DIP2C: variants seen among roughly 807,000 people sequenced by gnomAD.
DIP2C encodes the protein DIP2 acetate--CoA ligase C (putative), also known as disco-interacting protein 2 homolog C.
A neutral mutation model predicts 192.4 loss-of-function variants in DIP2C; 33 were observed. That is an observed-to-expected ratio of 0.17 (90% CI 0.13 to 0.23). The LOEUF (loss-of-function observed/expected upper bound fraction) is 0.23. DIP2C is among the 10% of genes least tolerant of loss of function. The pLI is 1.00. For missense variants in DIP2C, 1,537 were observed against 2,110.1 expected (o/e 0.73, Z 5.32); for synonymous variants, 979 against 864.1 (o/e 1.13, Z -2.33).
intron 1 of DIP2C, among the ~76,000 whole-genome samples, chr10:521,613 G>A (rs1846711047): frequency 6.6e-6 from 1 of 152,198 alleles, no homozygotes; most frequent in African/African-American, 2.4e-5. Flanking sequence ...CAAGCTCACT[G>A]ATACTGTAAT....
intron 17 of DIP2C, among the ~76,000 whole-genome samples, chr10:372,408 C>T (rs1961076288): frequency 6.6e-6 from 1 of 152,158 alleles, no homozygotes; most frequent in Admixed American, 6.5e-5. Flanking sequence ...ACACAGTTAA[C>T]GAGAAATAAG....
chr10:558,395 G>A (rs918716899), intron 1 of DIP2C, among the ~76,000 whole-genome samples: 1 of 152,142 alleles, frequency 6.6e-6, no homozygotes. Flanking sequence ...ATTGAGATTC[G>A]ACCCCCAGAC....
intron 3 of DIP2C, among the ~76,000 whole-genome samples, chr10:461,746 A>G (rs959761616): frequency 6.6e-6 from 1 of 152,128 alleles, no homozygotes; most frequent in African/African-American, 2.4e-5. Flanking sequence ...CTCAGCACCA[A>G]ATTGCACCTA....
chr10:314,131 T>A (rs557209068), intron 31 of DIP2C, among the ~76,000 whole-genome samples: 6 of 152,178 alleles, frequency 3.9e-5, no homozygotes, highest in Non-Finnish European at 8.8e-5. Context: ...TTTGACTACT[T>A]CTTTGTACTC....
chr10:617,772 A>G (rs1214253771), intron 1 of DIP2C, among the ~76,000 whole-genome samples: 1 of 150,724 alleles, frequency 6.6e-6, no homozygotes, highest in South Asian at 2.1e-4. Context: ...CCTGCCACAC[A>G]GGGCAACCAG....
chr10:677,883 C>T (rs933517773), intron 1 of DIP2C, among the ~76,000 whole-genome samples: 3 of 152,216 alleles, frequency 2.0e-5, no homozygotes, highest in African/African-American at 4.8e-5. Context: ...AGCCAGGCTC[C>T]GAATTCCAGG....
intron 1 of DIP2C, chr10:650,407 C>G (rs565810003): frequency 1.5e-5 from 11 of 715,272 alleles, no homozygotes; most frequent in Non-Finnish European, 2.9e-5. Context: ...CAGACCAACA[C>G]GAGAAGAACG....
chr10:281,241 A>G lies in DIP2C; in HGVS notation c.4377T>C (p.Ile1459=). The G allele has an allele frequency of 6.2e-6, 10 of 1,614,118 alleles. No individual in the cohort carries two copies. Among genetic ancestry groups the G allele is most frequent in the Non-Finnish European group, 8.5e-6 (10 of 1,180,016 alleles). The change falls in exon 36 of 37, where the codon ATT becomes ATC. Residue 1459 remains isoleucine, a synonymous_variant. Transcript: ENST00000280886. ...TATGGGCTCTGATGACCGAGGTCTC[A>G]ATGTCGATTGGGTGGTACCGCATGC... ...LRGMRYHPID[I]ETSVIRAHKS... is the part of the protein sequence containing the mutation.
chr10:547,469 C>T (rs1001958656), intron 1 of DIP2C, among the ~76,000 whole-genome samples: 2 of 152,086 alleles, frequency 1.3e-5, no homozygotes, highest in South Asian at 2.1e-4. Context: ...AGCGAAGTAC[C>T]CAGCAAATAC....
At chr10:314,273 G>T (rs545027650) in intron 31 of DIP2C, among the ~76,000 whole-genome samples, 2 of 152,300 alleles carry the variant, frequency 1.3e-5, no homozygotes, top group Admixed American at 1.3e-4. Flanking sequence ...ACAGGTCCCT[G>T]CCTTAAGCCC....
chr10:510,765 C>T (rs1347339695), intron 1 of DIP2C, among the ~76,000 whole-genome samples: 2 of 152,150 alleles, frequency 1.3e-5, no homozygotes, highest in Non-Finnish European at 2.9e-5. Flanking sequence ...CTCCGTGTGC[C>T]GGGGTTTCCA....
intron 4 of DIP2C, among the ~76,000 whole-genome samples, chr10:431,453 AAATT>A (rs1966854846): frequency 6.6e-6 from 1 of 151,840 alleles, no homozygotes; most frequent in Non-Finnish European, 1.5e-5. Flanking sequence ...ATTTTTTTTT[AAATT>A]ATTATTTTTA....
chr10:589,744 C>T (rs911243154), intron 1 of DIP2C, among the ~76,000 whole-genome samples: 31 of 152,206 alleles, frequency 2.0e-4, no homozygotes, highest in Non-Finnish European at 4.3e-4. Flanking sequence ...TAATGAGATT[C>T]TTCCTCTTGT....
rs75106242 is a variant in DIP2C, at chr10:392,783, G to A, written c.1261-1920C>T. ...ACACACACTTAACACTCTCACACGC[G>A]CCCATGCACACACGCGGATGCGCAC... On this transcript the variant is annotated intron_variant, in intron 10 of 36. Coordinates refer to ENST00000280886, the MANE Select transcript of DIP2C (RefSeq NM_014974.3). 6.0e-3 allele frequency among the ~76,000 whole-genome samples: 916 copies of A among 151,488 alleles called. 3 individuals carry two copies. The highest frequency in any genetic ancestry group is 0.014 in the East Asian group (72 of 5,160).
chr10:594,522 A>G (rs1005971255), intron 1 of DIP2C, among the ~76,000 whole-genome samples: 1 of 152,164 alleles, frequency 6.6e-6, no homozygotes, highest in Non-Finnish European at 1.5e-5. Flanking sequence ...GTAAGGGAAC[A>G]TGGCCGAGTA....
chr10:467,800 T>C (rs774691073), intron 3 of DIP2C, among the ~76,000 whole-genome samples: 1 of 152,140 alleles, frequency 6.6e-6, no homozygotes, highest in African/African-American at 2.4e-5. Flanking sequence ...CTAGGGCCTG[T>C]TGGGTGCTGG....
At chr10:502,449 G>GA (rs1247761195) in intron 1 of DIP2C, among the ~76,000 whole-genome samples, 1 of 151,908 alleles carries the variant, frequency 6.6e-6, no homozygotes, top group African/African-American at 2.4e-5. Flanking sequence ...GCTCATATTC[G>GA]AAAAAAGTAA....
rs559919265 is a variant in DIP2C at position 400,250 on chromosome 10, T to G, written c.1150-1031A>C. ...GTTGCCCAGGCTGGCCTCAAACTCC[T>G]GGCCTCAAGCGATTCTCCTGCCTTG... On this transcript the variant is annotated intron_variant, in intron 9 of 36. Coordinates refer to ENST00000280886, the MANE Select transcript of DIP2C (RefSeq NM_014974.3). Among the ~76,000 whole-genome samples, 20 of 150,528 alleles carry G rather than the reference T, an allele frequency of 1.3e-4. No individual in the cohort carries two copies. In the East Asian group the frequency reaches 3.4e-3, roughly 25 times the overall value.
At chr10:523,444 A>G (rs1435610365) in intron 1 of DIP2C, among the ~76,000 whole-genome samples, 4 of 119,052 alleles carry the variant, frequency 3.4e-5, no homozygotes, top group African/African-American at 3.8e-5. Context: ...TGTGTCACCC[A>G]CACACTCGTT....
Sources: gnomAD v4.1 joint callset for allele counts (sites outside exome capture counted in the v4.1 genomes callset) on GRCh38, gnomAD v4.1.1 for gene constraint, MANE v1.5 for transcripts, NCBI Gene and HGNC (gene_info 2026-07-23, HGNC 2026-07-21) for gene names.